Variants in MACROD2 observed in about 807,000 individuals in gnomAD.
MACROD2 encodes mono-ADP ribosylhydrolase 2.
A neutral mutation model predicts 70.4 loss-of-function variants in MACROD2; 36 were observed. The observed-to-expected ratio is 0.51, with a 90% CI of 0.39 to 0.68. The LOEUF (loss-of-function observed/expected upper bound fraction) is 0.68, where lower values mean the gene tolerates loss of function less well. Among genes scored for constraint, MACROD2 ranks in the 30% least tolerant of loss-of-function variants. The pLI is 0.00. For synonymous variants in MACROD2, 172 were observed against 178.8 expected, an observed-to-expected ratio of 0.96 and a Z score of 0.30; for missense variants, 496 against 538.4, an observed-to-expected ratio of 0.92 and a Z score of 0.78.
intron 5 of MACROD2, among the ~76,000 whole-genome samples, chr20:14,723,566 T>G (rs1360839092): frequency 6.7e-6 from 1 of 149,946 alleles, no homozygotes; most frequent in Admixed American, 6.7e-5. Context: ...TGGCTGGAAC[T>G]TTTCATCTAG....
At chr20:15,397,827 C>G (rs2045879591) in intron 6 of MACROD2, among the ~76,000 whole-genome samples, 1 of 152,062 alleles carries the variant, frequency 6.6e-6, no homozygotes, top group South Asian at 2.1e-4. Context: ...AGTTAAATAG[C>G]AGGGGTATCT....
intron 5 of MACROD2, among the ~76,000 whole-genome samples, chr20:14,808,946 T>C (rs1020372328): frequency 1.1e-4 from 17 of 152,050 alleles, no homozygotes; most frequent in Non-Finnish European, 2.1e-4. Context: ...AGCAAGTTCT[T>C]AGAGACCTAC....
At chr20:15,784,442 T>A (rs1445521899) in intron 8 of MACROD2, among the ~76,000 whole-genome samples, 1 of 152,148 alleles carries the variant, frequency 6.6e-6, no homozygotes, top group Non-Finnish European at 1.5e-5. Flanking sequence ...ATGCATCTGG[T>A]CATTAATGCA....
chr20:15,591,616 A>T (rs910233254), intron 8 of MACROD2, among the ~76,000 whole-genome samples: 1 of 130,410 alleles, frequency 7.7e-6, no homozygotes, highest in Non-Finnish European at 1.6e-5. Flanking sequence ...AAAAAAAAAA[A>T]GACAATTACA....
intron 3 of MACROD2, among the ~76,000 whole-genome samples, chr20:14,401,418 T>C (rs1389945612): frequency 6.6e-6 from 1 of 152,202 alleles, no homozygotes; most frequent in Non-Finnish European, 1.5e-5. Flanking sequence ...AAATTTTAAT[T>C]GTTACTGTAT....
intron 7 of MACROD2, among the ~76,000 whole-genome samples, chr20:15,478,531 G>A (rs138248249): frequency 4.1e-4 from 57 of 140,430 alleles, no homozygotes; most frequent in South Asian, 2.2e-3. Flanking sequence ...GCATGGTTGC[G>A]TGCATGACTG....
chr20:15,056,835 TAAG>T (rs951051294), intron 5 of MACROD2, among the ~76,000 whole-genome samples: 5 of 152,156 alleles, frequency 3.3e-5, no homozygotes, highest in African/African-American at 7.2e-5. Flanking sequence ...CAACAACAAA[TAAG>T]AACTAATCAT....
At chr20:15,566,912 A>T (rs2048317646) in intron 8 of MACROD2, among the ~76,000 whole-genome samples, 1 of 152,218 alleles carries the variant, frequency 6.6e-6, no homozygotes, top group African/African-American at 2.4e-5. Flanking sequence ...CCTGATCAGC[A>T]AAACTAACTA....
intron 3 of MACROD2, among the ~76,000 whole-genome samples, chr20:14,309,123 G>A (rs2082544625): frequency 1.3e-5 from 2 of 152,060 alleles, no homozygotes; most frequent in Non-Finnish European, 2.9e-5. Flanking sequence ...TCTACATTTG[G>A]AAATGGCACG....
chr20:14,257,882 C>A (rs900631184), intron 3 of MACROD2, among the ~76,000 whole-genome samples: 1 of 133,654 alleles, frequency 7.5e-6, no homozygotes, highest in Non-Finnish European at 1.5e-5. Context: ...GTATTCCTTG[C>A]CCCCTTCTTC....
At chr20:15,510,407 C>T (rs980098177) in intron 8 of MACROD2, among the ~76,000 whole-genome samples, 5 of 152,036 alleles carry the variant, frequency 3.3e-5, no homozygotes, top group Non-Finnish European at 7.4e-5. Flanking sequence ...CGTATGCTGC[C>T]CTGATTGAAG....
intron 15 of MACROD2, among the ~76,000 whole-genome samples, chr20:16,012,040 C>T (rs12625075): frequency 0.038 from 5,764 of 152,236 alleles, 304 homozygotes; most frequent in East Asian, 0.15. Context: ...TTCCAGGTCC[C>T]CCATTCAGGG....
intron 8 of MACROD2, among the ~76,000 whole-genome samples, chr20:15,752,293 T>TTTATTA (rs142009114): frequency 6.9e-4 from 105 of 151,282 alleles, no homozygotes; most frequent in African/African-American, 4.6e-4. Flanking sequence ...AACTGCAACC[T>TTTATTA]TTATTATTAT....
At chr20:15,985,010 A>G (rs1238767811) in intron 13 of MACROD2, among the ~76,000 whole-genome samples, 1 of 152,204 alleles carries the variant, frequency 6.6e-6, no homozygotes, top group Non-Finnish European at 1.5e-5. Flanking sequence ...ACCTTGTGCC[A>G]TACTTTTGAA....
intron 5 of MACROD2, among the ~76,000 whole-genome samples, chr20:14,754,693 T>A (rs2071916873): frequency 6.6e-6 from 1 of 152,088 alleles, no homozygotes; most frequent in South Asian, 2.1e-4. Context: ...ATAAACATTT[T>A]GAAAAATATT....
At chr20:14,357,222 CT>C in intron 3 of MACROD2, among the ~76,000 whole-genome samples, 1 of 152,330 alleles carries the variant, frequency 6.6e-6, no homozygotes, top group Admixed American at 6.5e-5. Context: ...TGGCAGTCTA[CT>C]GACCTTTTAG....
chr20:14,942,078 T>C (rs2122709895), intron 5 of MACROD2, among the ~76,000 whole-genome samples: 1 of 151,948 alleles, frequency 6.6e-6, no homozygotes, highest in South Asian at 2.1e-4. Flanking sequence ...GGATTACAGG[T>C]GCATGCCCCT....
At chr20:15,838,229 A>G (rs1298543130) in intron 8 of MACROD2, among the ~76,000 whole-genome samples, 1 of 152,154 alleles carries the variant, frequency 6.6e-6, no homozygotes, top group African/African-American at 2.4e-5. Context: ...CTAATAAGGA[A>G]CAAAGTAAAC....
chr20:15,238,675 T>A (rs1197300103), intron 6 of MACROD2, among the ~76,000 whole-genome samples: 1 of 152,210 alleles, frequency 6.6e-6, no homozygotes, highest in Non-Finnish European at 1.5e-5. Flanking sequence ...CTTTATTTCA[T>A]CTACAATTTG....
Sources: allele counts gnomAD v4.1 joint callset (sites outside exome capture counted in the v4.1 genomes callset), GRCh38; gene constraint gnomAD v4.1.1; transcripts MANE v1.5; gene names NCBI Gene and HGNC (gene_info 2026-07-23, HGNC 2026-07-21).